Variants in SORCS2 observed in about 807,000 individuals in gnomAD.
SORCS2 encodes sortilin related VPS10 domain containing receptor 2.
Under a neutral mutation model 141.6 loss-of-function variants are expected in SORCS2, and 100 were observed. That is an observed-to-expected ratio of 0.71 (90% CI 0.60 to 0.83). SORCS2 has a LOEUF of 0.83. Ranked by LOEUF, SORCS2 falls within the 40% of genes least tolerant of loss-of-function variation. The pLI is 0.00. For missense variants in SORCS2, 1,646 were observed against 1,560.2 expected, an observed-to-expected ratio of 1.05 and a Z score of -0.93; for synonymous variants, 789 against 676.9, an observed-to-expected ratio of 1.17 and a Z score of -2.57.
At chr4:7,454,103 G>T (rs1266398097) in intron 2 of SORCS2, among the ~76,000 whole-genome samples, 1 of 122,182 alleles carries the variant, frequency 8.2e-6, no homozygotes, top group East Asian at 2.8e-4. Context: ...GGGGTCAGGT[G>T]CTGTGTTGGG....
At chr4:7,561,809 A>G (rs773428164) in intron 3 of SORCS2, among the ~76,000 whole-genome samples, 2 of 151,264 alleles carry the variant, frequency 1.3e-5, no homozygotes, top group Non-Finnish European at 2.9e-5. Flanking sequence ...CTACCCATCT[A>G]TACATCCATT....
At chr4:7,692,714 C>T (rs770630190) in intron 11 of SORCS2, among the ~76,000 whole-genome samples, 7 of 152,190 alleles carry the variant, frequency 4.6e-5, no homozygotes, top group Non-Finnish European at 7.3e-5. Flanking sequence ...AGGGTATGGG[C>T]ACTCGATTCT....
chr4:7,673,651 C>T (rs932035086), intron 8 of SORCS2, among the ~76,000 whole-genome samples: 13 of 152,164 alleles, frequency 8.5e-5, no homozygotes, highest in African/African-American at 2.7e-4. Context: ...GTCATAACCT[C>T]GAGTCACTTT....
intron 8 of SORCS2, among the ~76,000 whole-genome samples, chr4:7,669,403 C>T (rs1330942931): frequency 2.0e-5 from 3 of 151,958 alleles, no homozygotes; most frequent in South Asian, 4.2e-4. Context: ...GAGAATGGGG[C>T]CCCCAGAGCC....
chr4:7,721,521 T>C (rs1726591209), intron 18 of SORCS2, among the ~76,000 whole-genome samples: 1 of 152,136 alleles, frequency 6.6e-6, no homozygotes, highest in Non-Finnish European at 1.5e-5. Context: ...AAGTGGATTA[T>C]GCCGAGTGAA....
intron 3 of SORCS2, among the ~76,000 whole-genome samples, chr4:7,598,195 C>T (rs1383567818): frequency 6.6e-6 from 1 of 152,038 alleles, no homozygotes; most frequent in Admixed American, 6.5e-5. Flanking sequence ...TCTTGAACTC[C>T]TGACCTCGTG....
intron 1 of SORCS2, among the ~76,000 whole-genome samples, chr4:7,361,362 G>A (rs552803372): frequency 3.3e-5 from 5 of 152,290 alleles, no homozygotes; most frequent in African/African-American, 4.8e-5. Context: ...GCAAGGCAGC[G>A]AGATCTGATT....
intron 11 of SORCS2, among the ~76,000 whole-genome samples, chr4:7,692,033 A>G (rs554193104): frequency 2.0e-5 from 3 of 151,834 alleles, no homozygotes; most frequent in Admixed American, 6.5e-5. Context: ...CTACACTTCT[A>G]TTTTATCCAC....
rs370732314 is a variant in SORCS2 at position 7,305,306 on chromosome 4, C to T, written c.481-90982C>T. 2.6e-5 allele frequency among the ~76,000 whole-genome samples: 4 copies of T among 151,956 alleles called. No homozygotes were observed. The East Asian group carries it at 7.7e-4, about 29-fold the overall frequency. On this transcript the variant is annotated intron_variant, in intron 1 of 26. Coordinates refer to ENST00000507866, the MANE Select transcript of SORCS2 (RefSeq NM_020777.3). ...TCGGCCTCCCAAAGTGCTGGGATCA[C>T]AGGCGTGAGCCACCACGCACGGCCC... is the stretch of plus-strand genomic sequence containing the variant.
At chr4:7,382,384 C>T (rs1002351328) in intron 1 of SORCS2, among the ~76,000 whole-genome samples, 10 of 152,182 alleles carry the variant, frequency 6.6e-5, no homozygotes, top group East Asian at 1.9e-4. Context: ...GTGACATCTC[C>T]GGCTGCCCCA....
chr4:7,315,118 C>T (rs947410854), intron 1 of SORCS2, among the ~76,000 whole-genome samples: 15 of 152,186 alleles, frequency 9.9e-5, no homozygotes, highest in Non-Finnish European at 1.9e-4. Context: ...CAGGCATGAG[C>T]CACTGCACCT....
At chr4:7,425,719 C>T (rs930692070) in intron 2 of SORCS2, among the ~76,000 whole-genome samples, 2 of 152,212 alleles carry the variant, frequency 1.3e-5, no homozygotes, top group African/African-American at 2.4e-5. Context: ...TGGCCCGGCC[C>T]GCAGTGGACC....
chr4:7,647,978 C>A (rs1347764407), intron 4 of SORCS2, among the ~76,000 whole-genome samples: 3 of 152,214 alleles, frequency 2.0e-5, no homozygotes, highest in Non-Finnish European at 4.4e-5. Context: ...TGCATAGTGT[C>A]TCATCGCTGA....
At chr4:7,413,478 C>G (rs1412271943) in intron 2 of SORCS2, among the ~76,000 whole-genome samples, 2 of 142,700 alleles carry the variant, frequency 1.4e-5, no homozygotes, top group Non-Finnish European at 3.0e-5. Context: ...ACTGCAACCT[C>G]CACCTCCTGG....
intron 1 of SORCS2, among the ~76,000 whole-genome samples, chr4:7,314,401 G>A (rs528054925): frequency 7.5e-5 from 11 of 146,880 alleles, no homozygotes; most frequent in Middle Eastern, 3.5e-3. Context: ...GTGCAGTGGC[G>A]TGATCTTGAC....
chr4:7,240,912 A>G (rs1379371657), intron 1 of SORCS2, among the ~76,000 whole-genome samples: 1 of 152,168 alleles, frequency 6.6e-6, no homozygotes, highest in African/African-American at 2.4e-5. Context: ...TGAATTTTAG[A>G]TAAGCAACAA....
In SORCS2 at chr4:7,740,827, C is replaced by G. The variant is rs749275597; in HGVS notation, c.*563C>G. ...CTGGAAACTGCAGCTCTGTAAATGC[C>G]TCTCTAGGTAGCTGCTGGCGGTGGT... On this transcript the variant is annotated 3_prime_UTR_variant, in exon 27 of 27. Coordinates refer to ENST00000507866, the MANE Select transcript of SORCS2 (RefSeq NM_020777.3). 5.7e-5 allele frequency: 22 copies of G among 385,032 alleles called. No homozygotes were observed. Among genetic ancestry groups the G allele is most frequent in the Non-Finnish European group, 8.3e-5 (18 of 217,892 alleles). The allele number at this position is 385,032 out of a possible 1,614,324, so 23.9% of individuals were successfully genotyped here. A position where few individuals can be genotyped will look rare whatever the true frequency, so the allele number is the denominator to read the frequency against.
At chr4:7,565,498 AATG>A (rs1249992161) in intron 3 of SORCS2, among the ~76,000 whole-genome samples, 19 of 152,326 alleles carry the variant, frequency 1.2e-4, no homozygotes, top group African/African-American at 4.3e-4. Context: ...TGATTAGCAT[AATG>A]ATGATAAAGA....
intron 2 of SORCS2, among the ~76,000 whole-genome samples, chr4:7,424,752 TG>T (rs1296572392): frequency 1.3e-5 from 2 of 152,206 alleles, no homozygotes; most frequent in Non-Finnish European, 2.9e-5. Context: ...GTGTTCTGCA[TG>T]GGAGATCTCC....
Sources: gnomAD v4.1 joint callset for allele counts (sites outside exome capture counted in the v4.1 genomes callset) on GRCh38, gnomAD v4.1.1 for gene constraint, MANE v1.5 for transcripts, NCBI Gene and HGNC (gene_info 2026-07-23, HGNC 2026-07-21) for gene names.